GRIK1: variants seen among roughly 807,000 people sequenced by gnomAD.
The protein encoded by GRIK1 is glutamate ionotropic receptor kainate type subunit 1.
Under a neutral mutation model 105.7 loss-of-function variants are expected in GRIK1, and 69 were observed. The ratio of observed to expected loss-of-function variants is 0.65; its 90% CI spans 0.54 to 0.80. The LOEUF is 0.80. GRIK1 is among the 30% of genes least tolerant of loss of function. GRIK1 has a pLI of 0.00. For missense variants in GRIK1, 1,109 were observed against 1,167.3 expected (o/e 0.95, Z 0.73); for synonymous variants, 438 against 431.3 (o/e 1.02, Z -0.19).
intron 16 of GRIK1, among the ~76,000 whole-genome samples, chr21:29,552,445 A>G (rs1303719255): frequency 6.6e-6 from 1 of 152,090 alleles, no homozygotes; most frequent in Non-Finnish European, 1.5e-5. Context: ...GCAGATGGAA[A>G]ATGAATCTAC....
At chr21:29,821,695 A>T (rs981403205) in intron 1 of GRIK1, among the ~76,000 whole-genome samples, 10 of 152,006 alleles carry the variant, frequency 6.6e-5, no homozygotes, top group Admixed American at 5.3e-4. Flanking sequence ...CTGCATCTTT[A>T]TATTTGTTTA....
At chr21:29,896,047 C>A (rs1168222593) in intron 1 of GRIK1, among the ~76,000 whole-genome samples, 2 of 152,158 alleles carry the variant, frequency 1.3e-5, no homozygotes, top group African/African-American at 2.4e-5. Context: ...CTATCTCCCT[C>A]GCTTTTTTCC....
chr21:29,838,364 G>GA (rs536061785), intron 1 of GRIK1, among the ~76,000 whole-genome samples: 21 of 147,376 alleles, frequency 1.4e-4, no homozygotes, highest in East Asian at 7.9e-4. Flanking sequence ...GGATATCACA[G>GA]AAAAAAAAAA....
chr21:29,566,889 A>ATC (rs1321408671), intron 14 of GRIK1, among the ~76,000 whole-genome samples: 5 of 145,316 alleles, frequency 3.4e-5, no homozygotes, highest in African/African-American at 1.4e-4. Flanking sequence ...GGAATGAACT[A>ATC]TCTCTTAATA....
In GRIK1 at chr21:29,537,271, A is replaced by C; in HGVS notation, c.2809T>G (p.Cys937Gly). The change falls in exon 18 of 18, where the codon TGT becomes GGT. Residue 937 changes from cysteine (C) to glycine (G), a missense_variant. This residue lies in a region of GRIK1 where 161 missense variants were observed against 143.4 expected (regional missense o/e 1.12). Coordinates refer to ENST00000327783, the MANE Select transcript of GRIK1 (RefSeq NM_001330994.2). ...TTTCTCTGAGTTCGTCTCTGATGAC[A>C]AGTAAGGATACTTGTGAAGGAAGAT... ...GKSSFTSILT[C>G]HQRRTQRKET... is the part of the protein sequence containing the mutation. The C allele has an allele frequency of 3.1e-6, 5 of 1,612,262 alleles. No homozygotes were observed. Among genetic ancestry groups the C allele is most frequent in the Non-Finnish European group, 4.2e-6 (5 of 1,178,956 alleles).
At chr21:29,889,205 C>G (rs1344989652) in intron 1 of GRIK1, among the ~76,000 whole-genome samples, 1 of 151,870 alleles carries the variant, frequency 6.6e-6, no homozygotes, top group Non-Finnish European at 1.5e-5. Context: ...AATGCATGGA[C>G]AAGGTAATAA....
chr21:29,709,748 T>G (rs1357111789), intron 1 of GRIK1, among the ~76,000 whole-genome samples: 1 of 152,028 alleles, frequency 6.6e-6, no homozygotes, highest in Non-Finnish European at 1.5e-5. Context: ...CAGTTGAGTT[T>G]GATCTTTTAT....
intron 1 of GRIK1, among the ~76,000 whole-genome samples, chr21:29,886,288 C>T (rs2069625362): frequency 6.6e-6 from 1 of 152,086 alleles, no homozygotes; most frequent in Non-Finnish European, 1.5e-5. Context: ...AAAGTCTATG[C>T]TCTCTTTTGC....
intron 1 of GRIK1, among the ~76,000 whole-genome samples, chr21:29,742,856 C>T (rs1418557095): frequency 2.0e-5 from 3 of 152,194 alleles, no homozygotes; most frequent in African/African-American, 4.8e-5. Flanking sequence ...ACATTTTTTT[C>T]TCATTGCTTT....
intron 12 of GRIK1, among the ~76,000 whole-genome samples, chr21:29,585,223 T>C (rs1479081885): frequency 6.6e-6 from 1 of 151,980 alleles, no homozygotes; most frequent in Non-Finnish European, 1.5e-5. Flanking sequence ...GTAGTGGGGG[T>C]ACTGTTATCT....
intron 9 of GRIK1, among the ~76,000 whole-genome samples, chr21:29,594,185 ATGTG>A (rs35296703): frequency 0.5 from 74,915 of 150,366 alleles, 20,871 homozygotes; most frequent in African/African-American, 0.76. Flanking sequence ...AGAACTGTGT[ATGTG>A]TGTGTGTGTG....
At chr21:29,858,495 A>G (rs554775859) in intron 1 of GRIK1, among the ~76,000 whole-genome samples, 5 of 152,066 alleles carry the variant, frequency 3.3e-5, no homozygotes, top group African/African-American at 1.2e-4. Flanking sequence ...GGCTGTTCCT[A>G]TGGGGACCCA....
At chr21:29,550,790 C>T (rs960941462) in intron 16 of GRIK1, among the ~76,000 whole-genome samples, 39 of 152,102 alleles carry the variant, frequency 2.6e-4, no homozygotes, top group Non-Finnish European at 3.5e-4. Context: ...CTTAGTTTCT[C>T]CAGAAGGTAC....
intron 2 of GRIK1, among the ~76,000 whole-genome samples, chr21:29,692,814 C>T (rs1392498922): frequency 6.6e-6 from 1 of 152,226 alleles, no homozygotes; most frequent in Non-Finnish European, 1.5e-5. Context: ...ACCTCGTGAT[C>T]CACCTGCCTC....
intron 1 of GRIK1, among the ~76,000 whole-genome samples, chr21:29,899,060 T>A (rs1174510591): frequency 6.6e-6 from 1 of 152,222 alleles, no homozygotes; most frequent in Non-Finnish European, 1.5e-5. Flanking sequence ...CTGGGCTTTC[T>A]CTAAAAGTCA....
chr21:29,657,801 A>G (rs2062883859), intron 4 of GRIK1: 1 of 152,252 alleles, frequency 6.6e-6, no homozygotes, highest in Admixed American at 6.5e-5. Flanking sequence ...TAATTGTCGC[A>G]TACTTTGTAA....
chr21:29,719,621 A>G (rs772843604), intron 1 of GRIK1, among the ~76,000 whole-genome samples: 25 of 152,122 alleles, frequency 1.6e-4, no homozygotes, highest in Non-Finnish European at 2.2e-4. Context: ...TCCAGCCAGC[A>G]TGGTCATCAT....
chr21:29,894,753 C>G (rs149673375), intron 1 of GRIK1, among the ~76,000 whole-genome samples: 2 of 152,108 alleles, frequency 1.3e-5, no homozygotes, highest in African/African-American at 4.8e-5. Context: ...TTTTAATCGG[C>G]GGGATGGCCT....
intron 7 of GRIK1, among the ~76,000 whole-genome samples, chr21:29,633,610 T>C (rs1387085585): frequency 6.6e-6 from 1 of 152,180 alleles, no homozygotes; most frequent in African/African-American, 2.4e-5. Context: ...GATGTTTATA[T>C]ATAAGACAAA....
Sources: allele counts gnomAD v4.1 joint callset (sites outside exome capture counted in the v4.1 genomes callset), GRCh38; gene constraint gnomAD v4.1.1; regional missense constraint gnomAD v4.1.1; transcripts MANE v1.5; gene names NCBI Gene and HGNC (gene_info 2026-07-23, HGNC 2026-07-21).